The following PTPRG variants were observed in gnomAD, a reference collection of about 807,000 sequenced individuals.
PTPRG encodes protein tyrosine phosphatase receptor type G.
PTPRG carries 102 observed loss-of-function variants against 165.3 expected under a neutral mutation model. That is an observed-to-expected ratio of 0.62 (90% CI 0.53 to 0.73). The LOEUF (loss-of-function observed/expected upper bound fraction) is 0.73, where lower values mean the gene tolerates loss of function less well. Among genes scored for constraint, PTPRG ranks in the 30% least tolerant of loss-of-function variants. PTPRG has a pLI of 0.00. For synonymous variants in PTPRG, 675 were observed against 669.5 expected (o/e 1.01, Z -0.13); for missense variants, 1,866 against 1,861.4 (o/e 1.00, Z -0.05).
intron 1 of PTPRG, among the ~76,000 whole-genome samples, chr3:61,665,235 G>A (rs1480384541): frequency 6.6e-6 from 1 of 152,138 alleles, no homozygotes; most frequent in Non-Finnish European, 1.5e-5. Flanking sequence ...GGGGAGCTAA[G>A]AAATACATTG....
chr3:62,218,679 A>G (rs1700572480), intron 12 of PTPRG, among the ~76,000 whole-genome samples, 172 bp from the exon 13 acceptor site: 1 of 152,110 alleles, frequency 6.6e-6, no homozygotes, highest in Non-Finnish European at 1.5e-5. Context: ...GTGGGTTGGG[A>G]TGGGGCAGGA....
chr3:62,205,487 A>G (rs1700205423), intron 12 of PTPRG, among the ~76,000 whole-genome samples: 1 of 152,224 alleles, frequency 6.6e-6, no homozygotes, highest in African/African-American at 2.4e-5. Flanking sequence ...GTAAACAAAT[A>G]CATACCCTTA....
intron 6 of PTPRG, among the ~76,000 whole-genome samples, chr3:62,147,545 A>G (rs1704167401): frequency 6.6e-6 from 1 of 152,190 alleles, no homozygotes; most frequent in Non-Finnish European, 1.5e-5. Context: ...ATATCAAGTC[A>G]TTGTTTAATT....
At chr3:61,797,872 A>G (rs1416284436) in intron 2 of PTPRG, among the ~76,000 whole-genome samples, 1 of 151,894 alleles carries the variant, frequency 6.6e-6, no homozygotes, top group Non-Finnish European at 1.5e-5. Flanking sequence ...GGAAAGATGA[A>G]GGAGGGACGA....
At chr3:61,934,444 G>A (rs2039436866) in intron 2 of PTPRG, among the ~76,000 whole-genome samples, 1 of 151,910 alleles carries the variant, frequency 6.6e-6, no homozygotes, top group Non-Finnish European at 1.5e-5. Flanking sequence ...CCAAGTAACA[G>A]TGACTTTTAA....
chr3:62,068,610 G>C (rs1362707658), intron 4 of PTPRG, among the ~76,000 whole-genome samples: 4 of 152,160 alleles, frequency 2.6e-5, no homozygotes, highest in Admixed American at 1.3e-4. Flanking sequence ...TGAGTAGCTA[G>C]AACTACTGGT....
chr3:61,860,432 TC>T (rs2037229057), intron 2 of PTPRG, among the ~76,000 whole-genome samples: 3 of 128,504 alleles, frequency 2.3e-5, no homozygotes, highest in Non-Finnish European at 3.2e-5. Context: ...TTGTTTTTGT[TC>T]CTTTTTTTTT....
intron 2 of PTPRG, among the ~76,000 whole-genome samples, chr3:61,831,777 C>G (rs980679630): frequency 2.0e-4 from 31 of 152,036 alleles, no homozygotes; most frequent in African/African-American, 6.5e-4. Flanking sequence ...ATTTTTGTGC[C>G]TTTTTCTCCA....
At chr3:61,937,695 A>G (rs1358750303) in intron 2 of PTPRG, among the ~76,000 whole-genome samples, 1 of 152,218 alleles carries the variant, frequency 6.6e-6, no homozygotes, top group Non-Finnish European at 1.5e-5. Flanking sequence ...AGAAACATGC[A>G]GTCAGAGTGA....
chr3:61,859,019 G>A (rs553330102), intron 2 of PTPRG, among the ~76,000 whole-genome samples: 2 of 152,282 alleles, frequency 1.3e-5, no homozygotes, highest in South Asian at 2.1e-4. Flanking sequence ...AAAAGTTGCT[G>A]AGTGAATATT....
At chr3:62,278,744 A>C (rs1313111576) in intron 26 of PTPRG, among the ~76,000 whole-genome samples, 1 of 152,076 alleles carries the variant, frequency 6.6e-6, no homozygotes, top group East Asian at 1.9e-4. Flanking sequence ...ATGGAATGGC[A>C]ACAAAGTTGA....
At chr3:61,764,460 G>A (rs761572841) in intron 2 of PTPRG, among the ~76,000 whole-genome samples, 2 of 152,194 alleles carry the variant, frequency 1.3e-5, no homozygotes, top group African/African-American at 4.8e-5. Flanking sequence ...GGTGGACAGA[G>A]CAGCATATAC....
rs1459104836 is a variant in PTPRG at position 62,255,130 on chromosome 3, T to C, written c.2474T>C (p.Met825Thr). 4.7e-5 allele frequency: 76 copies of C among 1,611,784 alleles called. No homozygotes were observed. The highest frequency in any genetic ancestry group is 6.2e-5 in the Non-Finnish European group (73 of 1,178,498). ...ATTATTTTATTCCCCCCAGATGACA[T>C]GGAAGCCATTCCTGTCAAACAGTTT... Reference protein sequence around the residue: ...SIPIIPIPDDMEAIPVKQFVK... With the variant: ...SIPIIPIPDDTEAIPVKQFVK... The change falls in exon 16 of 30, where the codon ATG (methionine) becomes ACG (threonine). Residue 825 changes from methionine (M) to threonine (T), a missense_variant. Around this residue, in one of 3 missense-constraint regions of PTPRG, gnomAD observed 1,452 missense variants for 1,463.0 expected, o/e 0.99. Coordinates refer to ENST00000474889, the MANE Select transcript of PTPRG (RefSeq NM_002841.4). The surrounding 1 kb of genome is among the most constrained non-coding windows in gnomAD (Gnocchi z 4.0).
At chr3:61,913,546 G>T (rs1231802962) in intron 2 of PTPRG, among the ~76,000 whole-genome samples, 5 of 152,108 alleles carry the variant, frequency 3.3e-5, no homozygotes, top group African/African-American at 9.7e-5. Context: ...GATTCATACA[G>T]ATGCACTCTA....
At chr3:62,220,981 C>T (rs1341642568) in intron 13 of PTPRG, among the ~76,000 whole-genome samples, 1 of 152,112 alleles carries the variant, frequency 6.6e-6, no homozygotes, top group Non-Finnish European at 1.5e-5. Context: ...TCACAGTGAC[C>T]AAGAAGGACC....
At chr3:62,084,201 T>C (rs1394933937) in intron 5 of PTPRG, among the ~76,000 whole-genome samples, 2 of 152,204 alleles carry the variant, frequency 1.3e-5, no homozygotes, top group Non-Finnish European at 2.9e-5. Context: ...ATCTAGTCAA[T>C]AGGTATATTT....
At chr3:61,592,055 C>G (rs1004475533) in intron 1 of PTPRG, among the ~76,000 whole-genome samples, 3 of 151,862 alleles carry the variant, frequency 2.0e-5, no homozygotes, top group Admixed American at 6.6e-5. Context: ...ATCACCGCAG[C>G]CTCCGCCTCC....
intron 2 of PTPRG, among the ~76,000 whole-genome samples, chr3:61,872,309 C>A (rs748984183): frequency 6.6e-6 from 1 of 152,074 alleles, no homozygotes; most frequent in Non-Finnish European, 1.5e-5. Context: ...TGTGATTACA[C>A]CTGTGAATAG....
intron 2 of PTPRG, among the ~76,000 whole-genome samples, chr3:61,970,262 T>G (rs1180910691): frequency 6.6e-6 from 1 of 152,214 alleles, no homozygotes; most frequent in African/African-American, 2.4e-5. Flanking sequence ...TTTAATTTTT[T>G]TGTCATGTTC....
Sources: gnomAD v4.1 joint callset for allele counts (sites outside exome capture counted in the v4.1 genomes callset) on GRCh38, gnomAD v4.1.1 for gene constraint, gnomAD v4.1.1 regional missense constraint, Gnocchi (gnomAD v3.1) non-coding constraint, MANE v1.5 for transcripts, NCBI Gene and HGNC (gene_info 2026-07-23, HGNC 2026-07-21) for gene names.